SAE1: variants seen among roughly 807,000 people sequenced by gnomAD.
SAE1 encodes the protein SUMO1 activating enzyme subunit 1.
A neutral mutation model predicts 40.6 loss-of-function variants in SAE1; 11 were observed. The ratio of observed to expected loss-of-function variants is 0.27; its 90% CI spans 0.17 to 0.45. The LOEUF (loss-of-function observed/expected upper bound fraction) is 0.45. Among genes scored for constraint, SAE1 ranks in the 20% least tolerant of loss-of-function variants. The probability of loss-of-function intolerance (pLI) is 1.00; values close to 1 mark genes in which losing one functional copy is unlikely to be tolerated. For missense variants in SAE1, 373 were observed against 427.3 expected (o/e 0.87, Z 1.12); for synonymous variants, 155 against 154.3 (o/e 1.00, Z -0.03).
At chr19:47,192,960 A>G (rs972528149) in intron 6 of SAE1, among the ~76,000 whole-genome samples, 5 of 152,064 alleles carry the variant, frequency 3.3e-5, no homozygotes, top group African/African-American at 7.2e-5. Flanking sequence ...TTTATTTACT[A>G]CAATCGGAAT....
intron 6 of SAE1, among the ~76,000 whole-genome samples, chr19:47,188,988 A>T (rs2058561787): frequency 6.6e-6 from 1 of 152,126 alleles, no homozygotes; most frequent in Admixed American, 6.6e-5. Flanking sequence ...TCTCCTGTGT[A>T]GTTTTTGTTG....
chr19:47,205,320 C>CTTTTTTTTTTTTTTTTTT (rs11291244), intron 8 of SAE1, among the ~76,000 whole-genome samples: 2 of 129,246 alleles, frequency 1.5e-5, no homozygotes, highest in Non-Finnish European at 1.6e-5. Context: ...CCTAAGGCTA[C>CTTTTTTTTTTTTTTTTTT]TTTTTTTTTT....
intron 5 of SAE1, among the ~76,000 whole-genome samples, chr19:47,158,183 G>A (rs2058335595): frequency 6.6e-6 from 1 of 152,086 alleles, no homozygotes; most frequent in Non-Finnish European, 1.5e-5. Context: ...TTAACCAAAG[G>A]TTGTAAAGCC....
intron 6 of SAE1, among the ~76,000 whole-genome samples, chr19:47,178,008 T>A (rs2058481440): frequency 6.6e-6 from 1 of 152,056 alleles, no homozygotes; most frequent in Non-Finnish European, 1.5e-5. Flanking sequence ...TTTGAGAGAC[T>A]GAGGTGGGCA....
chr19:47,134,127 C>G (rs1451844994), intron 1 of SAE1, among the ~76,000 whole-genome samples: 2 of 152,094 alleles, frequency 1.3e-5, no homozygotes, highest in Non-Finnish European at 2.9e-5. Flanking sequence ...TCCCAAAGTG[C>G]TGGGATTACA....
At chr19:47,185,374 G>A (rs1485119572) in intron 6 of SAE1, among the ~76,000 whole-genome samples, 10 of 151,270 alleles carry the variant, frequency 6.6e-5, no homozygotes, top group Middle Eastern at 3.2e-3. Flanking sequence ...GTGGTGTGTC[G>A]GCTCACTGCG....
intron 6 of SAE1, among the ~76,000 whole-genome samples, chr19:47,178,550 T>G (rs913832762): frequency 1.3e-5 from 2 of 152,206 alleles, no homozygotes; most frequent in Non-Finnish European, 2.9e-5. Flanking sequence ...CTCAGCTCAT[T>G]GCAACCTCCG....
At chr19:47,151,638 T>C (rs2058289201) in intron 3 of SAE1, among the ~76,000 whole-genome samples, 1 of 152,232 alleles carries the variant, frequency 6.6e-6, no homozygotes, top group East Asian at 1.9e-4. Flanking sequence ...TGTTCAAATA[T>C]GGGCTTGGAA....
chr19:47,158,494 T>C (rs982530851), intron 5 of SAE1, among the ~76,000 whole-genome samples: 7 of 152,188 alleles, frequency 4.6e-5, no homozygotes, highest in Admixed American at 3.9e-4. Context: ...AATGAGGTGG[T>C]GGTAAGGAAG....
intron 2 of SAE1, among the ~76,000 whole-genome samples, chr19:47,147,609 C>T (rs1346597264): frequency 6.6e-6 from 1 of 150,768 alleles, no homozygotes; most frequent in East Asian, 1.9e-4. Flanking sequence ...TGTGCCACCA[C>T]ACCCGGCTAA....
intron 1 of SAE1, among the ~76,000 whole-genome samples, chr19:47,132,722 A>G (rs966434384): frequency 6.6e-6 from 1 of 151,838 alleles, no homozygotes; most frequent in African/African-American, 2.4e-5. Flanking sequence ...CCCAGTCTCT[A>G]CAAAAAAATA....
intron 6 of SAE1, among the ~76,000 whole-genome samples, chr19:47,173,354 C>T (rs1454292536): frequency 6.6e-6 from 1 of 152,168 alleles, no homozygotes; most frequent in Admixed American, 6.6e-5. Context: ...CATATAGCTA[C>T]TGTTTCTTCC....
At chr19:47,172,817 G>T (rs2058442936) in intron 6 of SAE1, among the ~76,000 whole-genome samples, 1 of 151,742 alleles carries the variant, frequency 6.6e-6, no homozygotes, top group South Asian at 2.1e-4. Flanking sequence ...ACGGATGACA[G>T]AGTTCTCTAG....
intron 6 of SAE1, chr19:47,180,390 C>A: frequency 2.6e-6 from 1 of 384,594 alleles, no homozygotes. Flanking sequence ...GAAGAATAAT[C>A]AATTAATGTA....
chr19:47,152,706 T>C (rs1382616536), intron 3 of SAE1, among the ~76,000 whole-genome samples, 192 bp from the exon 4 acceptor site: 1 of 152,228 alleles, frequency 6.6e-6, no homozygotes, highest in African/African-American at 2.4e-5. Flanking sequence ...TCATAACTTA[T>C]ATTTTCTACA....
chr19:47,180,405 A>G (rs2058498531), intron 6 of SAE1: 1 of 371,710 alleles, frequency 2.7e-6, no homozygotes, highest in African/African-American at 2.1e-5. Flanking sequence ...AATGTAAACA[A>G]GGAATTATGA....
chr19:47,168,348 A>G (rs1218741265), intron 5 of SAE1, among the ~76,000 whole-genome samples: 1 of 151,938 alleles, frequency 6.6e-6, no homozygotes, highest in Non-Finnish European at 1.5e-5. Context: ...TCTGTCACCC[A>G]GGCTGGAGTG....
intron 2 of SAE1, among the ~76,000 whole-genome samples, chr19:47,147,602 G>A (rs2058262347): frequency 6.6e-6 from 1 of 150,650 alleles, no homozygotes; most frequent in Admixed American, 6.6e-5. Context: ...ACAGGCGTGT[G>A]CCACCACACC....
intron 6 of SAE1, among the ~76,000 whole-genome samples, chr19:47,192,229 A>G (rs2058583209): frequency 6.6e-6 from 1 of 151,398 alleles, no homozygotes. Flanking sequence ...CACCCTTCCT[A>G]CTGGTTTGTT....
Sources: gnomAD v4.1 joint callset for allele counts (sites outside exome capture counted in the v4.1 genomes callset) on GRCh38, gnomAD v4.1.1 for gene constraint, MANE v1.5 for transcripts, NCBI Gene and HGNC (gene_info 2026-07-23, HGNC 2026-07-21) for gene names.